Variants in ADGRL3 observed in about 807,000 individuals in gnomAD.
The protein encoded by ADGRL3 is adhesion G protein-coupled receptor L3.
Under a neutral mutation model 153.5 loss-of-function variants are expected in ADGRL3, and 62 were observed. That is an observed-to-expected ratio of 0.40 (90% CI 0.33 to 0.50). The LOEUF (loss-of-function observed/expected upper bound fraction) is 0.50, where lower values mean the gene tolerates loss of function less well. ADGRL3 is among the 20% of genes least tolerant of loss of function. The pLI is 0.47. For synonymous variants in ADGRL3, 710 were observed against 672.5 expected, an observed-to-expected ratio of 1.06 and a Z score of -0.86; for missense variants, 1,641 against 1,859.4, an observed-to-expected ratio of 0.88 and a Z score of 2.16.
intron 2 of ADGRL3, among the ~76,000 whole-genome samples, chr4:61,474,439 T>C (rs920341291): frequency 6.6e-6 from 1 of 152,180 alleles, no homozygotes; most frequent in Admixed American, 6.5e-5. Context: ...TAAATACTGC[T>C]TGTAGGACAC....
chr4:62,032,481 AGTTAATTAACCTCCCCAT>A (rs1722640864), intron 23 of ADGRL3, among the ~76,000 whole-genome samples: 1 of 151,512 alleles, frequency 6.6e-6, no homozygotes, highest in Non-Finnish European at 1.5e-5. Flanking sequence ...ACTTTCGGCA[AGTTAATTAACCTCCCCAT>A]GTCTCAGTTT....
chr4:61,440,105 G>A (rs551866344), intron 2 of ADGRL3, among the ~76,000 whole-genome samples: 1 of 152,058 alleles, frequency 6.6e-6, no homozygotes, highest in East Asian at 1.9e-4. Flanking sequence ...CTGAAGTACA[G>A]TAGTGCAATC....
chr4:61,793,409 C>T (rs889330887), intron 8 of ADGRL3, among the ~76,000 whole-genome samples: 3 of 152,008 alleles, frequency 2.0e-5, no homozygotes, highest in African/African-American at 7.2e-5. Context: ...GGCGACAGAG[C>T]GAGACTCCAT....
chr4:61,571,959 A>T (rs2098840906), intron 4 of ADGRL3, among the ~76,000 whole-genome samples: 1 of 152,204 alleles, frequency 6.6e-6, no homozygotes, highest in Admixed American at 6.5e-5. Context: ...AAAACTCAAC[A>T]GCTGTTTGTT....
chr4:61,453,024 T>C (rs929307893), intron 2 of ADGRL3, among the ~76,000 whole-genome samples: 1 of 145,822 alleles, frequency 6.9e-6, no homozygotes, highest in African/African-American at 2.5e-5. Context: ...AATTAAGTGA[T>C]AAAACCATAG....
intron 8 of ADGRL3, among the ~76,000 whole-genome samples, chr4:61,737,759 T>G (rs987608595): frequency 1.3e-5 from 2 of 152,148 alleles, no homozygotes; most frequent in African/African-American, 4.8e-5. Context: ...TGTCCAGATG[T>G]TAGCACCAGG....
chr4:61,610,315 C>A (rs972302657), intron 5 of ADGRL3, among the ~76,000 whole-genome samples: 2 of 152,006 alleles, frequency 1.3e-5, no homozygotes, highest in East Asian at 3.9e-4. Flanking sequence ...GTGCGTAATG[C>A]ATTGTTTCTT....
chr4:61,393,991 T>C (rs1308201459), intron 2 of ADGRL3, among the ~76,000 whole-genome samples: 1 of 151,964 alleles, frequency 6.6e-6, no homozygotes, highest in Non-Finnish European at 1.5e-5. Context: ...AATAGGAACA[T>C]GAGGAATAGA....
intron 1 of ADGRL3, among the ~76,000 whole-genome samples, chr4:61,234,923 C>T (rs1413966356): frequency 6.6e-6 from 1 of 152,118 alleles, no homozygotes; most frequent in Non-Finnish European, 1.5e-5. Context: ...CTGCCTTGCT[C>T]ATTTGCTCTT....
At chr4:61,342,824 C>T (rs78665280) in intron 1 of ADGRL3, among the ~76,000 whole-genome samples, 1,763 of 152,244 alleles carry the variant, frequency 0.012, 29 homozygotes, top group African/African-American at 0.04. Context: ...ACCACTCTGC[C>T]ATGATTTTCC....
intron 9 of ADGRL3, among the ~76,000 whole-genome samples, chr4:61,873,081 C>T (rs2098455101): frequency 6.6e-6 from 1 of 152,134 alleles, no homozygotes; most frequent in South Asian, 2.1e-4. Flanking sequence ...TTGATTTCCT[C>T]CTTAAATGTT....
chr4:61,916,017 C>T (rs2098743621), intron 13 of ADGRL3, among the ~76,000 whole-genome samples: 1 of 151,968 alleles, frequency 6.6e-6, no homozygotes, highest in African/African-American at 2.4e-5. Context: ...AGTTCAGTGT[C>T]TATTTTATGA....
chr4:61,227,371 A>G (rs967393848), intron 1 of ADGRL3, among the ~76,000 whole-genome samples: 1 of 151,930 alleles, frequency 6.6e-6, no homozygotes, highest in Non-Finnish European at 1.5e-5. Flanking sequence ...ATGACTGGCT[A>G]AGTTTTAAAT....
chr4:62,007,381 T>TACACAC (rs1398457118), intron 21 of ADGRL3, among the ~76,000 whole-genome samples: 4 of 9,316 alleles, frequency 4.3e-4, no homozygotes, highest in South Asian at 0.025. Context: ...TATATATATA[T>TACACAC]ATACACACAC....
chr4:61,843,476 T>C (rs2149023429), intron 9 of ADGRL3, among the ~76,000 whole-genome samples: 1 of 152,258 alleles, frequency 6.6e-6, no homozygotes, highest in African/African-American at 2.4e-5. Flanking sequence ...CTCTTTCCCT[T>C]TTCTATCCTT....
At chr4:62,048,745 G>T (rs2151731995) in intron 25 of ADGRL3, among the ~76,000 whole-genome samples, 1 of 151,606 alleles carries the variant, frequency 6.6e-6, no homozygotes, top group South Asian at 2.1e-4. Flanking sequence ...TAGGGATAGG[G>T]TTTTGCCGTG....
intron 8 of ADGRL3, among the ~76,000 whole-genome samples, chr4:61,812,912 T>C (rs990656096): frequency 4.1e-4 from 63 of 152,170 alleles, no homozygotes; most frequent in Admixed American, 4.0e-3. Context: ...TTTCATTAAA[T>C]ACAGTAGGAA....
chr4:61,637,924 A>G (rs549210047), intron 5 of ADGRL3, among the ~76,000 whole-genome samples: 1 of 152,356 alleles, frequency 6.6e-6, no homozygotes, highest in South Asian at 2.1e-4. Context: ...CAAACATTAC[A>G]ATAATTGCAT....
rs1747634675 is a variant in ADGRL3, at chr4:62,077,839, G to T, written c.*6931G>T. On this transcript the variant is annotated 3_prime_UTR_variant, in exon 27 of 27. Coordinates refer to ENST00000683033, the MANE Select transcript of ADGRL3 (RefSeq NM_001387552.1). ...GTCTTGAAACAACTATAGACAATCA[G>T]AATGTGTTCATTTATAAAGTATCAC... 5 of 151,932 alleles carry T rather than the reference G, an allele frequency of 3.3e-5. No homozygotes were observed. The highest frequency in any genetic ancestry group is 2.6e-4 in the Admixed American group (4 of 15,216). 9.4% of individuals were successfully genotyped at this position (151,932 alleles called of 1,614,324 possible). A position where few individuals can be genotyped will look rare whatever the true frequency, so the allele number is the denominator to read the frequency against.
Sources: allele counts gnomAD v4.1 joint callset (sites outside exome capture counted in the v4.1 genomes callset), GRCh38; gene constraint gnomAD v4.1.1; transcripts MANE v1.5; gene names NCBI Gene and HGNC (gene_info 2026-07-23, HGNC 2026-07-21).